The following ABLIM2 variants were observed in gnomAD, a reference collection of about 807,000 sequenced individuals.
ABLIM2 encodes actin binding LIM protein family member 2, also known as actin-binding LIM protein 2.
ABLIM2 carries 53 observed loss-of-function variants against 97.7 expected under a neutral mutation model. The observed-to-expected ratio is 0.54, with a 90% confidence interval of 0.44 to 0.68. The LOEUF is 0.68. Among genes scored for constraint, ABLIM2 ranks in the 30% least tolerant of loss-of-function variants. The pLI is 0.00. For missense variants in ABLIM2, 835 were observed against 867.2 expected (o/e 0.96, Z 0.47); for synonymous variants, 361 against 345.8 (o/e 1.04, Z -0.49).
intron 3 of ABLIM2, among the ~76,000 whole-genome samples, chr4:8,094,914 C>T (rs1021537023): frequency 3.3e-4 from 50 of 149,770 alleles, no homozygotes; most frequent in Non-Finnish European, 5.5e-4. Flanking sequence ...CTCCCTCCCT[C>T]TCTTCCCTCC....
At chr4:8,073,622 A>G (rs915561236) in intron 6 of ABLIM2, among the ~76,000 whole-genome samples, 3 of 152,008 alleles carry the variant, frequency 2.0e-5, no homozygotes, top group African/African-American at 7.2e-5. Flanking sequence ...CCTGGGATGC[A>G]TCACTGGCTG....
intron 20 of ABLIM2, among the ~76,000 whole-genome samples, chr4:7,979,926 C>A (rs995944932): frequency 6.6e-6 from 1 of 152,128 alleles, no homozygotes; most frequent in Non-Finnish European, 1.5e-5. Flanking sequence ...GTCTCTTCCC[C>A]GCAGATTTAG....
chr4:7,988,361 C>T (rs1746097940), intron 17 of ABLIM2, among the ~76,000 whole-genome samples: 1 of 152,328 alleles, frequency 6.6e-6, no homozygotes, highest in South Asian at 2.1e-4. Context: ...TCTATAGGTA[C>T]ATTCTCTAAC....
intron 9 of ABLIM2, 108 bp downstream of exon 9, chr4:8,045,056 T>A: frequency 1.0e-6 from 1 of 983,776 alleles, no homozygotes; most frequent in South Asian, 1.3e-5. Flanking sequence ...AGGCCCCAGA[T>A]GATAGTTCTC....
chr4:8,032,689 A>C lies in ABLIM2; in HGVS notation c.1048-2913T>G. 6.2e-7 allele frequency: 1 copy of C among 1,612,522 alleles called. No individual in the cohort carries two copies. Among genetic ancestry groups the C allele is most frequent in the Non-Finnish European group, 8.5e-7 (1 of 1,179,802 alleles). ...GAGAGCAACTGAGGGGACTGTGGACACAACACACAAAGTGGCCATTAGTGC... is the reference window on the plus strand; with the variant it reads ...GAGAGCAACTGAGGGGACTGTGGACCCAACACACAAAGTGGCCATTAGTGC... On this transcript the variant is annotated intron_variant, in intron 10 of 20. Coordinates refer to ENST00000447017, the MANE Select transcript of ABLIM2 (RefSeq NM_001130083.2). The surrounding 1 kb of genome is among the most constrained non-coding windows in gnomAD (Gnocchi z 4.3).
At chr4:8,065,262 G>A (rs192425031) in intron 6 of ABLIM2, among the ~76,000 whole-genome samples, 20 of 152,156 alleles carry the variant, frequency 1.3e-4, no homozygotes, top group East Asian at 3.9e-4. Flanking sequence ...TTACAGAAAC[G>A]TTTTAAAAAG....
At chr4:8,006,268 C>T (rs1281062962) in intron 16 of ABLIM2, among the ~76,000 whole-genome samples, 1 of 152,228 alleles carries the variant, frequency 6.6e-6, no homozygotes, top group African/African-American at 2.4e-5. Flanking sequence ...CGGCTTCTCC[C>T]ACACAGCACC....
Position 8,155,424 on chromosome 4 carries a change from C to T in ABLIM2, c.10+3256G>A, listed in dbSNP as rs567774553. On this transcript the variant is annotated intron_variant, in intron 1 of 20. Transcript: ENST00000447017. This position sits in a 1 kb window ranked among gnomAD's most constrained non-coding sequence, Gnocchi z 4.2. ...TGGCCCTGGACAGCTGCTTTTCCTT[C>T]CCTAAACCTTGGTTTCCCCCTTTGT... Among the ~76,000 whole-genome samples, 103 of 152,190 alleles carry T rather than the reference C, an allele frequency of 6.8e-4. No individual in the cohort carries two copies. The highest frequency in any genetic ancestry group is 1.3e-3 in the Non-Finnish European group (86 of 68,046).
intron 9 of ABLIM2, 29 bp from the exon 10 acceptor site, chr4:8,036,324 G>C: frequency 6.2e-7 from 1 of 1,610,226 alleles, no homozygotes; most frequent in East Asian, 2.2e-5. Flanking sequence ...TTGGGGAGGG[G>C]ACAGTCACCA....
intron 3 of ABLIM2, among the ~76,000 whole-genome samples, chr4:8,092,790 G>A (rs1353464586): frequency 6.6e-6 from 1 of 152,110 alleles, no homozygotes; most frequent in African/African-American, 2.4e-5. Flanking sequence ...TCTGTTGATT[G>A]AGCCCTGCCT....
intron 16 of ABLIM2, chr4:8,007,577 C>G: frequency 1.0e-6 from 1 of 987,524 alleles, no homozygotes; most frequent in Non-Finnish European, 1.2e-6. Flanking sequence ...CCCCTAGGGT[C>G]AGGCAGACAC....
intron 8 of ABLIM2, among the ~76,000 whole-genome samples, chr4:8,052,001 C>T (rs7661623): frequency 9.5e-4 from 144 of 152,322 alleles, no homozygotes; most frequent in African/African-American, 3.2e-3. Flanking sequence ...TTTGGAGCCC[C>T]CCCTCCCTCT....
intron 20 of ABLIM2, among the ~76,000 whole-genome samples, chr4:7,981,322 C>T (rs1310350659): frequency 2.6e-5 from 4 of 152,126 alleles, no homozygotes; most frequent in Non-Finnish European, 5.9e-5. Context: ...CAACCAAGTG[C>T]CAATCAGAAA....
rs904540650 is a variant in ABLIM2, at chr4:8,002,525, C to T, written c.1618+5534G>A. Among the ~76,000 whole-genome samples the T allele has an allele frequency of 6.6e-6, 1 of 152,202 alleles. No homozygotes were observed. Among genetic ancestry groups the T allele is most frequent in the Admixed American group, 6.5e-5 (1 of 15,284 alleles). ...ACACAGAAAATGCAACATCTCCTGTCACGCTCGTGTCGTGCTGACGTTCCC... is the reference window on the plus strand; with the variant it reads ...ACACAGAAAATGCAACATCTCCTGTTACGCTCGTGTCGTGCTGACGTTCCC... On this transcript the variant is annotated intron_variant, in intron 16 of 20. Transcript: ENST00000447017. The surrounding 1 kb of genome is among the most constrained non-coding windows in gnomAD (Gnocchi z 6.1).
intron 16 of ABLIM2, among the ~76,000 whole-genome samples, chr4:7,995,900 A>G (rs1419598926): frequency 6.6e-6 from 1 of 151,548 alleles, no homozygotes. Flanking sequence ...TTCTCATGTC[A>G]CAGAAGGAGA....
intron 1 of ABLIM2, among the ~76,000 whole-genome samples, chr4:8,108,127 C>T (rs1387588640): frequency 3.3e-5 from 5 of 151,940 alleles, no homozygotes; most frequent in Non-Finnish European, 7.4e-5. Context: ...TTTGTGGTCA[C>T]TTGTTACAGA....
intron 3 of ABLIM2, among the ~76,000 whole-genome samples, chr4:8,090,194 G>A (rs542215383): frequency 2.6e-4 from 40 of 152,306 alleles, no homozygotes; most frequent in African/African-American, 9.1e-4. Context: ...GCTATGGTCT[G>A]CTGCCACCTG....
At chr4:8,141,421 C>T (rs923409798) in intron 1 of ABLIM2, among the ~76,000 whole-genome samples, 2 of 152,204 alleles carry the variant, frequency 1.3e-5, no homozygotes, top group African/African-American at 2.4e-5. Context: ...AGCTAGCTTC[C>T]GTTGGCCTGA....
At position 8,120,223 on chromosome 4, in the gene ABLIM2, C is replaced by T. The variant is rs1298085512; in HGVS notation, c.11-13586G>A. Among the ~76,000 whole-genome samples, 1 of 152,118 alleles carries T rather than the reference C, an allele frequency of 6.6e-6. No homozygotes were observed. Among genetic ancestry groups the T allele is most frequent in the Non-Finnish European group, 1.5e-5 (1 of 68,016 alleles). ...GCAAGAGCGGTGCCAGCGGGGAGCT[C>T]GAGCCATCTCTGTGGGCTGAACCGG... is the stretch of plus-strand genomic sequence containing the variant. On this transcript the variant is annotated intron_variant, in intron 1 of 20. Coordinates refer to ENST00000447017, the MANE Select transcript of ABLIM2 (RefSeq NM_001130083.2). This position sits in a 1 kb window ranked among gnomAD's most constrained non-coding sequence, Gnocchi z 5.6.
Sources: gnomAD v4.1 joint callset for allele counts (sites outside exome capture counted in the v4.1 genomes callset) on GRCh38, gnomAD v4.1.1 for gene constraint, Gnocchi (gnomAD v3.1) non-coding constraint, MANE v1.5 for transcripts, NCBI Gene and HGNC (gene_info 2026-07-23, HGNC 2026-07-21) for gene names.